Variants in BCAP29 observed in about 807,000 individuals in gnomAD.
The protein encoded by BCAP29 is B-cell receptor-associated protein 29.
Under a neutral mutation model 31.8 loss-of-function variants are expected in BCAP29, and 34 were observed. The ratio of observed to expected loss-of-function variants is 1.07; its 90% CI spans 0.81 to 1.42. BCAP29 has a LOEUF of 1.42. Ranked by LOEUF, BCAP29 falls within the 40% of genes most tolerant of loss-of-function variation. BCAP29 has a pLI of 0.00. For missense variants in BCAP29, 314 were observed against 269.2 expected, an observed-to-expected ratio of 1.17 and a Z score of -1.16; for synonymous variants, 104 against 91.3, an observed-to-expected ratio of 1.14 and a Z score of -0.79.
At chr7:107,587,296 A>C (rs552523163) in intron 3 of BCAP29, 1 of 152,204 alleles carries the variant, frequency 6.6e-6, no homozygotes, top group African/African-American at 2.4e-5. Context: ...TGTTGACTCC[A>C]TTCCATTTTT....
At chr7:107,595,494 G>GACCTT (rs1809648445) in intron 4 of BCAP29, among the ~76,000 whole-genome samples, 1 of 152,124 alleles carries the variant, frequency 6.6e-6, no homozygotes, top group Non-Finnish European at 1.5e-5. Flanking sequence ...CGGCTTGTTT[G>GACCTT]ACCTTACACA....
intron 7 of BCAP29, among the ~76,000 whole-genome samples, chr7:107,616,986 A>G (rs1425721222): frequency 6.6e-6 from 1 of 152,082 alleles, no homozygotes; most frequent in Non-Finnish European, 1.5e-5. Flanking sequence ...CGATCCGCCC[A>G]CCTGGGCCTT....
chr7:107,610,989 G>C (rs918581762), intron 6 of BCAP29, among the ~76,000 whole-genome samples: 35 of 152,278 alleles, frequency 2.3e-4, no homozygotes, highest in African/African-American at 8.4e-4. Context: ...TGGTGGCTAA[G>C]AAGTCTGAGA....
At chr7:107,605,361 A>T (rs1235393322) in intron 6 of BCAP29, among the ~76,000 whole-genome samples, 1 of 152,244 alleles carries the variant, frequency 6.6e-6, no homozygotes, top group Non-Finnish European at 1.5e-5. Context: ...AAGAGCTTGT[A>T]GTCCAGATGG....
In BCAP29 at chr7:107,618,652, T is replaced by A; in HGVS notation, c.*289T>A. 7.2e-7 allele frequency: 1 copy of A among 1,395,956 alleles called. No individual in the cohort carries two copies. Among genetic ancestry groups the A allele is most frequent in the South Asian group, 1.5e-5 (1 of 64,530 alleles). The allele number at this position is 1,395,956 out of a possible 1,614,324, so 86.5% of individuals were successfully genotyped here. ...GCTGTTTACCAATAAAAGGAAAAAATTCATTAACCGGTTGCTTCCAAAATT... is the reference window on the plus strand; with the variant it reads ...GCTGTTTACCAATAAAAGGAAAAAAATCATTAACCGGTTGCTTCCAAAATT... On this transcript the variant is annotated 3_prime_UTR_variant, in exon 8 of 8. Coordinates refer to ENST00000005259, the MANE Select transcript of BCAP29 (RefSeq NM_018844.4).
chr7:107,600,464 A>G lies in BCAP29; in HGVS notation c.548A>G (p.Asp183Gly). 3 of 1,610,274 alleles carry G rather than the reference A, an allele frequency of 1.9e-6. No individual in the cohort carries two copies. In the South Asian group the frequency reaches 3.3e-5, roughly 18 times the overall value. Residue 183 changes from aspartate (D) to glycine (G), a missense_variant, in exon 6 of 8, where the codon GAC becomes GGC. Coordinates refer to ENST00000005259, the MANE Select transcript of BCAP29 (RefSeq NM_018844.4). ...GCAGAAAATAAAAAACTAGTAGAAGACCAGGAGAAACTGAAAACTGAATTA... is the reference window on the plus strand; with the variant it reads ...GCAGAAAATAAAAAACTAGTAGAAGGCCAGGAGAAACTGAAAACTGAATTA... ...LEAENKKLVE[D>G]QEKLKTELRK...
At chr7:107,592,699 A>G (rs567756615) in intron 3 of BCAP29, among the ~76,000 whole-genome samples, 1 of 152,360 alleles carries the variant, frequency 6.6e-6, no homozygotes, top group Non-Finnish European at 1.5e-5. Context: ...CAACCAATGA[A>G]TAGATAAACC....
intron 3 of BCAP29, among the ~76,000 whole-genome samples, chr7:107,591,657 C>CACACACACACACACACA (rs1554475285): frequency 1.3e-4 from 9 of 69,792 alleles, no homozygotes; most frequent in East Asian, 1.2e-3. Flanking sequence ...CACACACACA[C>CACACACACACACACACA]CCTATTGGTT....
At chr7:107,621,451 T>G (rs1371292644), downstream of BCAP29, 1 of 274,532 alleles carries the variant, frequency 3.6e-6, no homozygotes, top group Non-Finnish European at 7.2e-6. Flanking sequence ...TCAAACACTT[T>G]AGGAACTGTG....
chr7:107,593,095 ATAG>A (rs1204091597), intron 3 of BCAP29, among the ~76,000 whole-genome samples: 1 of 152,228 alleles, frequency 6.6e-6, no homozygotes, highest in Non-Finnish European at 1.5e-5. Context: ...TAAAAATAAA[ATAG>A]TAGTCAAAAA....
At chr7:107,599,274 A>ATATATATATATT (rs1810621225) in intron 5 of BCAP29, among the ~76,000 whole-genome samples, 1 of 118,902 alleles carries the variant, frequency 8.4e-6, no homozygotes, top group African/African-American at 3.5e-5. Context: ...ATATATATTT[A>ATATATATATATT]TATATAATTT....
intron 5 of BCAP29, 37 bp downstream of exon 5, chr7:107,596,039 G>C (rs1215592827): frequency 6.6e-7 from 1 of 1,520,348 alleles, no homozygotes; most frequent in Non-Finnish European, 8.8e-7. Context: ...AATGTTGTTG[G>C]TGTTCCCGAG....
intron 4 of BCAP29, 71 bp downstream of exon 4, chr7:107,594,176 C>A: frequency 7.1e-7 from 1 of 1,405,756 alleles, no homozygotes; most frequent in Non-Finnish European, 9.7e-7. Flanking sequence ...ATTTTGTCCA[C>A]CTTTACTGTA....
At chr7:107,603,688 C>G (rs142966069) in intron 6 of BCAP29, among the ~76,000 whole-genome samples, 1 of 150,030 alleles carries the variant, frequency 6.7e-6, no homozygotes, top group African/African-American at 2.5e-5. Context: ...TTACTGCAAC[C>G]TCGAACTCCT....
At chr7:107,621,420 T>C (rs1046109698), downstream of BCAP29, 2 of 212,254 alleles carry the variant, frequency 9.4e-6, no homozygotes, top group African/African-American at 4.6e-5. Flanking sequence ...CACAACTTTA[T>C]TACTTGCACC....
intron 3 of BCAP29, among the ~76,000 whole-genome samples, chr7:107,589,490 C>T (rs933228096): frequency 6.4e-4 from 98 of 152,274 alleles, no homozygotes; most frequent in African/African-American, 2.2e-3. Flanking sequence ...GCTTCCACTC[C>T]TATGAGAATC....
intron 3 of BCAP29, among the ~76,000 whole-genome samples, chr7:107,591,001 A>C (rs1342991872): frequency 6.6e-6 from 1 of 152,230 alleles, no homozygotes; most frequent in East Asian, 1.9e-4. Context: ...TAGGCAAATG[A>C]CATTTTTAAA....
intron 7 of BCAP29, among the ~76,000 whole-genome samples, chr7:107,614,976 T>C (rs755463893): frequency 6.6e-6 from 1 of 152,204 alleles, no homozygotes; most frequent in Non-Finnish European, 1.5e-5. Flanking sequence ...ATTTTCCCCC[T>C]ATTTGTGAGA....
chr7:107,593,241 ATGCCTTCC>A (rs1466930053), intron 3 of BCAP29, among the ~76,000 whole-genome samples: 1 of 152,204 alleles, frequency 6.6e-6, no homozygotes, highest in African/African-American at 2.4e-5. Context: ...TATAAGGCAG[ATGCCTTCC>A]CTAGTACATA....
Sources: gnomAD v4.1 joint callset for allele counts (sites outside exome capture counted in the v4.1 genomes callset) on GRCh38, gnomAD v4.1.1 for gene constraint, MANE v1.5 for transcripts, NCBI Gene and HGNC (gene_info 2026-07-23, HGNC 2026-07-21) for gene names.